The following UBE2Q2 variants were observed in gnomAD, a reference collection of about 807,000 sequenced individuals.
UBE2Q2 encodes the protein ubiquitin-conjugating enzyme E2 Q2.
A neutral mutation model predicts 59.9 loss-of-function variants in UBE2Q2; 54 were observed. The ratio of observed to expected loss-of-function variants is 0.90; its 90% CI spans 0.72 to 1.13. The LOEUF (loss-of-function observed/expected upper bound fraction) is 1.13. UBE2Q2 is among the 50% of genes most tolerant of loss of function. UBE2Q2 has a pLI of 0.00. For synonymous variants in UBE2Q2, 165 were observed against 155.2 expected (o/e 1.06, Z -0.47); for missense variants, 433 against 441.9 (o/e 0.98, Z 0.18).
At chr15:75,866,287 C>A (rs1403866759) in intron 3 of UBE2Q2, among the ~76,000 whole-genome samples, 1 of 152,146 alleles carries the variant, frequency 6.6e-6, no homozygotes, top group Non-Finnish European at 1.5e-5. Context: ...AGTCCTCCCA[C>A]CTCAGCCTCT....
At position 75,843,798 on chromosome 15, in the gene UBE2Q2, C is replaced by T. The variant is rs770867886; in HGVS notation, c.132C>T (p.Gly44=). Reference sequence around the variant, plus strand: ...GCCAGTTCCTGGTGCCGCAGCAGGGCAGCCCGCACTCGCTGCCGCCGCCAC... The same window carrying T: ...GCCAGTTCCTGGTGCCGCAGCAGGGTAGCCCGCACTCGCTGCCGCCGCCAC... The part of the protein sequence containing the change: ...LHCQFLVPQQ[G]SPHSLPPPLT... The change falls in exon 1 of 13, where the codon GGC becomes GGT. Residue 44 remains glycine, a synonymous_variant. Transcript: ENST00000267938. 39 of 1,606,250 alleles carry T rather than the reference C, an allele frequency of 2.4e-5. No individual in the cohort carries two copies. The highest frequency in any genetic ancestry group is 2.9e-5 in the Non-Finnish European group (34 of 1,177,576).
intron 2 of UBE2Q2, among the ~76,000 whole-genome samples, chr15:75,855,962 C>G (rs1485501679): frequency 6.6e-6 from 1 of 151,978 alleles, no homozygotes; most frequent in Non-Finnish European, 1.5e-5. Flanking sequence ...TTGAAGCAGG[C>G]AGGTTGCTTG....
intron 2 of UBE2Q2, among the ~76,000 whole-genome samples, chr15:75,859,176 G>C (rs1897083898): frequency 6.6e-6 from 1 of 152,162 alleles, no homozygotes; most frequent in African/African-American, 2.4e-5. Flanking sequence ...AAACAATCTG[G>C]ACTTAAACAT....
At chr15:75,864,535 ACTGT>A (rs1305255720) in intron 3 of UBE2Q2, among the ~76,000 whole-genome samples, 1 of 151,190 alleles carries the variant, frequency 6.6e-6, no homozygotes, top group Non-Finnish European at 1.5e-5. Context: ...TGAGTCTTTG[ACTGT>A]CTTTTTCCTT....
At chr15:75,874,179 C>T (rs892448020) in intron 5 of UBE2Q2, among the ~76,000 whole-genome samples, 7 of 152,260 alleles carry the variant, frequency 4.6e-5, no homozygotes, top group Non-Finnish European at 1.0e-4. Context: ...TCAAATTCAT[C>T]CTCTCCGACA....
intron 1 of UBE2Q2, among the ~76,000 whole-genome samples, chr15:75,851,864 T>G (rs1449427100): frequency 1.3e-5 from 2 of 152,118 alleles, no homozygotes; most frequent in Non-Finnish European, 1.5e-5. Flanking sequence ...TTTTCACTGC[T>G]TCATCATAGA....
chr15:75,892,269 T>C (rs1296846318), intron 11 of UBE2Q2, among the ~76,000 whole-genome samples: 1 of 152,172 alleles, frequency 6.6e-6, no homozygotes, highest in Non-Finnish European at 1.5e-5. Context: ...TTTAAGCCTG[T>C]AGGATTCCCA....
chr15:75,852,707 A>G (rs895277099), intron 1 of UBE2Q2, among the ~76,000 whole-genome samples: 1 of 152,250 alleles, frequency 6.6e-6, no homozygotes, highest in Non-Finnish European at 1.5e-5. Context: ...TGTGCTGAAG[A>G]ATTTGAAGAA....
chr15:75,884,807 C>T (rs184061276), intron 9 of UBE2Q2, among the ~76,000 whole-genome samples: 2 of 151,966 alleles, frequency 1.3e-5, no homozygotes, highest in Admixed American at 1.3e-4. Flanking sequence ...TGCCACCATG[C>T]CCAGCTAATT....
Position 75,873,444 on chromosome 15 carries a change from A to T in UBE2Q2, c.464A>T (p.Asp155Val), listed in dbSNP as rs1434301000. 1 of 1,611,118 alleles carries T rather than the reference A, an allele frequency of 6.2e-7. No individual in the cohort carries two copies. Residue 155 changes from aspartate to valine, a missense_variant, in exon 5 of 13, where the codon GAT becomes GTT. Asp to Val is a radical substitution (Grantham distance 152). Coordinates refer to ENST00000267938, the MANE Select transcript of UBE2Q2 (RefSeq NM_173469.4). Reference sequence around the variant, plus strand: ...TCTTTGTAGGATATAGAAGACTTAGATCACTATGAGATGAAGGAAGAAGAG... The same window carrying T: ...TCTTTGTAGGATATAGAAGACTTAGTTCACTATGAGATGAAGGAAGAAGAG... ...EEMAEDIEDLDHYEMKEEEPI... is the reference protein window; with the variant it reads ...EEMAEDIEDLVHYEMKEEEPI...
chr15:75,877,881 T>A, intron 6 of UBE2Q2, 80 bp from the exon 7 acceptor site: 1 of 1,312,190 alleles, frequency 7.6e-7, no homozygotes, highest in Non-Finnish European at 1.1e-6. Context: ...TTTCGTTGGC[T>A]ATTTAGTGTA....
intron 2 of UBE2Q2, among the ~76,000 whole-genome samples, chr15:75,856,269 GTATA>G (rs60490503): frequency 0.03 from 4,202 of 139,102 alleles, 167 homozygotes; most frequent in African/African-American, 0.099. Context: ...GTGTGTGTGT[GTATA>G]TATATATATA....
intron 1 of UBE2Q2, chr15:75,844,174 G>A: frequency 1.4e-6 from 2 of 1,441,220 alleles, no homozygotes; most frequent in Non-Finnish European, 1.8e-6. Context: ...CCCTCAGCCG[G>A]CCTGCTCCCG....
At chr15:75,870,644 C>A (rs957847917) in intron 4 of UBE2Q2, among the ~76,000 whole-genome samples, 4 of 151,946 alleles carry the variant, frequency 2.6e-5, no homozygotes, top group African/African-American at 9.7e-5. Flanking sequence ...CAGATTAGGA[C>A]AAGTGGAAAG....
chr15:75,864,561 C>T lies in UBE2Q2; in HGVS notation c.388-4390C>T, dbSNP rs182662253. ...CTGTCTTTTTCCTTTTTCTATGTAT[C>T]GGTCTCCAGATTTTCCACTTCTTCA... On this transcript the variant is annotated intron_variant, in intron 3 of 12. Coordinates refer to ENST00000267938, the MANE Select transcript of UBE2Q2 (RefSeq NM_173469.4). Among the ~76,000 whole-genome samples, 12 of 149,230 alleles carry T rather than the reference C, an allele frequency of 8.0e-5. No individual in the cohort carries two copies. In the East Asian group the frequency reaches 1.6e-3, roughly 20 times the overall value.
At chr15:75,854,255 A>T in intron 1 of UBE2Q2, 131 bp from the exon 2 acceptor site, 1 of 591,422 alleles carries the variant, frequency 1.7e-6, no homozygotes, top group Non-Finnish European at 2.8e-6. Flanking sequence ...CAAGGTTTTT[A>T]ATATGTTGCC....
intron 3 of UBE2Q2, among the ~76,000 whole-genome samples, chr15:75,863,533 T>C (rs1897298735): frequency 6.6e-6 from 1 of 151,616 alleles, no homozygotes; most frequent in African/African-American, 2.4e-5. Context: ...AACCTCTGCC[T>C]CCCGGGTTCA....
At chr15:75,896,857 T>G (rs1899452900) in intron 11 of UBE2Q2, 138 bp from the exon 12 acceptor site, 2 of 461,184 alleles carry the variant, frequency 4.3e-6, no homozygotes, top group Non-Finnish European at 7.8e-6. Flanking sequence ...AATGAGGCTA[T>G]TAAGTTAAAA....
rs375800715 is a variant in UBE2Q2 at position 75,879,428 on chromosome 15, T to C, written c.825+240T>C. ...AACCCAAGTGTTCATTCCAATAAAA[T>C]GGAGAATTGTGGTGTTTATAAAGTG... On this transcript the variant is annotated intron_variant, in intron 8 of 12. Transcript: ENST00000267938. Among the ~76,000 whole-genome samples, 6 of 152,296 alleles carry C rather than the reference T, an allele frequency of 3.9e-5. No homozygotes were observed. The East Asian group carries it at 1.2e-3, about 29-fold the overall frequency.
Sources: allele counts gnomAD v4.1 joint callset (sites outside exome capture counted in the v4.1 genomes callset), GRCh38; gene constraint gnomAD v4.1.1; transcripts MANE v1.5; gene names NCBI Gene and HGNC (gene_info 2026-07-23, HGNC 2026-07-21).